INPP5K: variants seen among roughly 807,000 people sequenced by gnomAD.
The protein encoded by INPP5K is inositol polyphosphate 5-phosphatase K.
In INPP5K, 35 loss-of-function variants were observed where a neutral mutation model predicts 53.5. The observed-to-expected ratio is 0.65, with a 90% CI of 0.50 to 0.87. INPP5K has a LOEUF of 0.87. Ranked by LOEUF, INPP5K falls within the 40% of genes least tolerant of loss-of-function variation. The pLI, the probability that INPP5K is intolerant of heterozygous loss-of-function variation, is 0.00. For missense variants in INPP5K, 550 were observed against 586.2 expected (o/e 0.94, Z 0.64); for synonymous variants, 253 against 232.8 (o/e 1.09, Z -0.79).
rs2150976119 is a variant in INPP5K, at chr17:1,496,164, C to G, written c.1186G>C (p.Val396Leu). Residue 396 changes from valine to leucine, a missense_variant and splice_region_variant, in exon 11 of 12, where the codon GTT (valine) becomes CTT (leucine). By Grantham distance (32) the Val-to-Leu change is conservative (BLOSUM62 1). Coordinates refer to ENST00000421807, the MANE Select transcript of INPP5K (RefSeq NM_016532.4). Reference protein sequence around the residue: ...KVSCSDNLNQVYIDISNIPTT... With the variant: ...KVSCSDNLNQLYIDISNIPTT... ...GGGATATTGCTGATGTCGATGTAAACCTGGAGGGGGATGGACAGGACTGGG... is the reference window on the plus strand; with the variant it reads ...GGGATATTGCTGATGTCGATGTAAAGCTGGAGGGGGATGGACAGGACTGGG... 1 of 1,605,108 alleles carries G rather than the reference C, an allele frequency of 6.2e-7. No individual in the cohort carries two copies. Among genetic ancestry groups the G allele is most frequent in the Non-Finnish European group, 8.5e-7 (1 of 1,171,922 alleles).
intron 3 of INPP5K, 65 bp from the exon 4 acceptor site, chr17:1,509,864 C>A: frequency 3.1e-6 from 3 of 973,412 alleles, no homozygotes; most frequent in South Asian, 2.7e-5. Flanking sequence ...CCCTTCCAAG[C>A]TCCGTGCTAG....
Position 1,513,117 on chromosome 17 carries a change from G to A in INPP5K, c.261+336C>T, listed in dbSNP as rs138971049. ...AATGACAGCCGTATGATTACACTCA[G>A]AGACTTCAGGATGGGCATTTGAGTA... On this transcript the variant is annotated intron_variant, in intron 3 of 11. Coordinates refer to ENST00000421807, the MANE Select transcript of INPP5K (RefSeq NM_016532.4). Among the ~76,000 whole-genome samples, 1,243 of 152,296 alleles carry A rather than the reference G, an allele frequency of 8.2e-3. 10 individuals carry two copies. Among genetic ancestry groups the A allele is most frequent in the Non-Finnish European group, 0.011 (735 of 68,028 alleles).
At chr17:1,499,785 G>A (rs1393120544) in intron 7 of INPP5K, among the ~76,000 whole-genome samples, 1 of 152,110 alleles carries the variant, frequency 6.6e-6, no homozygotes, top group Non-Finnish European at 1.5e-5. Context: ...GCGGTTTCTG[G>A]GTTCCACCCC....
At chr17:1,510,012 G>A (rs1317845261) in intron 3 of INPP5K, among the ~76,000 whole-genome samples, 2 of 152,218 alleles carry the variant, frequency 1.3e-5, no homozygotes, top group East Asian at 1.9e-4. Context: ...TGAGGTTTTC[G>A]ATTCTGCGCC....
intron 2 of INPP5K, 50 bp from the exon 3 acceptor site, chr17:1,513,611 C>T (rs776408553): frequency 1.4e-6 from 2 of 1,472,578 alleles, no homozygotes; most frequent in Non-Finnish European, 1.9e-6. Flanking sequence ...GGCTACTTCC[C>T]CTGCCACAGA....
At chr17:1,498,961 A>G (rs2074933652) in intron 7 of INPP5K, among the ~76,000 whole-genome samples, 2 of 152,124 alleles carry the variant, frequency 1.3e-5, no homozygotes, top group Admixed American at 1.3e-4. Flanking sequence ...CACCTTTCCC[A>G]AAGTCACAAG....
intron 7 of INPP5K, among the ~76,000 whole-genome samples, chr17:1,506,401 A>G (rs2075155849): frequency 6.6e-6 from 1 of 152,164 alleles, no homozygotes. Flanking sequence ...CCTCAGCCTC[A>G]TGAGGTGTGT....
At chr17:1,497,089 G>A (rs944681333) in intron 8 of INPP5K, among the ~76,000 whole-genome samples, 2 of 152,208 alleles carry the variant, frequency 1.3e-5, no homozygotes, top group African/African-American at 2.4e-5. Flanking sequence ...TTAAGGAGGC[G>A]GCCAGGCAGC....
intron 3 of INPP5K, 47 bp downstream of exon 3, chr17:1,513,406 G>C (rs774123409): frequency 2.0e-5 from 27 of 1,374,722 alleles, no homozygotes; most frequent in Non-Finnish European, 2.5e-5. Context: ...GGGGTCAGTG[G>C]AGATGTGAAA....
At chr17:1,513,661 C>T (rs76739945) in intron 2 of INPP5K, 100 bp from the exon 3 acceptor site, 69,505 of 1,131,050 alleles carry the variant, frequency 0.061, 2,486 homozygotes, top group Non-Finnish European at 0.075. Flanking sequence ...GGCCTGAGTT[C>T]TGATGGCCAT....
At position 1,509,839 on chromosome 17, in the gene INPP5K, A is replaced by G. The variant is rs748562530; in HGVS notation, c.262-40T>C. ...GGGCAAAGGTCGCTCATTAAACCAC[A>G]CAGGCCAAGTGCATCCCTTCCAAGC... On this transcript the variant is annotated intron_variant, in intron 3 of 11. Coordinates refer to ENST00000421807, the MANE Select transcript of INPP5K (RefSeq NM_016532.4). 3.1e-6 allele frequency: 4 copies of G among 1,280,542 alleles called. No individual in the cohort carries two copies. The South Asian group carries it at 4.8e-5, about 15-fold the overall frequency. 79.3% of individuals were successfully genotyped at this position (1,280,542 alleles called of 1,614,324 possible).
chr17:1,508,448 A>G (rs567461663), intron 5 of INPP5K: 58 of 543,586 alleles, frequency 1.1e-4, no homozygotes, highest in African/African-American at 1.1e-3. Flanking sequence ...TCTGGCAAAC[A>G]CAGAGCAGGC....
At position 1,496,676 on chromosome 17, in the gene INPP5K, C is replaced by T; in HGVS notation, c.1091G>A (p.Gly364Glu). 8 of 1,614,208 alleles carry T rather than the reference C, an allele frequency of 5.0e-6. No homozygotes were observed. The highest frequency in any genetic ancestry group is 6.8e-6 in the Non-Finnish European group (8 of 1,180,038). Residue 364 changes from glycine to glutamate, a missense_variant, in exon 9 of 12, where the codon GGA (glycine) becomes GAA (glutamate). By Grantham distance (98) the Gly-to-Glu change is moderately conservative. Coordinates refer to ENST00000421807, the MANE Select transcript of INPP5K (RefSeq NM_016532.4). The stretch of plus-strand genomic sequence containing the variant: ...TTGCCACCACATCACCTTGTACAGT[C>T]CAATCCAGTCCCACGGGCTGCTGGG... ...DFPSSPWDWIGLYKVGLRDVN... is the reference protein window; with the variant it reads ...DFPSSPWDWIELYKVGLRDVN...
intron 9 of INPP5K, 71 bp downstream of exon 9, chr17:1,496,595 T>A: frequency 6.3e-7 from 1 of 1,588,464 alleles, no homozygotes; most frequent in Non-Finnish European, 8.6e-7. Flanking sequence ...TCTGCCCAGC[T>A]CCCAGGAGCC....
At chr17:1,497,495 C>T (rs117233435) in intron 8 of INPP5K, among the ~76,000 whole-genome samples, 4,426 of 152,174 alleles carry the variant, frequency 0.029, 112 homozygotes, top group Non-Finnish European at 0.044. Context: ...CGCCAGTAAA[C>T]CTGTATGAAA....
chr17:1,516,218 G>A (rs1169528439), intron 1 of INPP5K: 4 of 935,754 alleles, frequency 4.3e-6, no homozygotes, highest in Non-Finnish European at 6.0e-6. Context: ...GTCCTCTCCA[G>A]AAAGCAACCG....
rs2074855009 is a variant in INPP5K at position 1,496,673 on chromosome 17, A to G, written c.1094T>C (p.Leu365Pro). Residue 365 changes from leucine to proline, a missense_variant, in exon 9 of 12, where the codon CTG becomes CCG. Transcript: ENST00000421807. ...GCCTTGCCACCACATCACCTTGTACAGTCCAATCCAGTCCCACGGGCTGCT... is the reference window on the plus strand; with the variant it reads ...GCCTTGCCACCACATCACCTTGTACGGTCCAATCCAGTCCCACGGGCTGCT... The part of the protein sequence containing the change: ...FPSSPWDWIG[L>P]YKVGLRDVND... 2 of 1,614,082 alleles carry G rather than the reference A, an allele frequency of 1.2e-6. No homozygotes were observed. The highest frequency in any genetic ancestry group is 1.7e-5 in the Admixed American group (1 of 59,992).
At chr17:1,501,213 C>A (rs2075005292) in intron 7 of INPP5K, among the ~76,000 whole-genome samples, 1 of 152,218 alleles carries the variant, frequency 6.6e-6, no homozygotes, top group South Asian at 2.1e-4. Context: ...CCGCCTCGGC[C>A]TCCCAAAGTG....
At chr17:1,503,552 T>C (rs1466401704) in intron 7 of INPP5K, among the ~76,000 whole-genome samples, 1 of 151,630 alleles carries the variant, frequency 6.6e-6, no homozygotes, top group Non-Finnish European at 1.5e-5. Flanking sequence ...TCATCTCTAC[T>C]AAAAATACAA....
Sources: allele counts gnomAD v4.1 joint callset (sites outside exome capture counted in the v4.1 genomes callset), GRCh38; gene constraint gnomAD v4.1.1; transcripts MANE v1.5; gene names NCBI Gene and HGNC (gene_info 2026-07-23, HGNC 2026-07-21).